AXIN1: variants seen among roughly 807,000 people sequenced by gnomAD.
AXIN1 encodes axin-1.
In AXIN1, 30 loss-of-function variants were observed where a neutral mutation model predicts 76.4. The observed-to-expected ratio is 0.39, with a 90% CI of 0.29 to 0.53. AXIN1 has a LOEUF of 0.53. Among genes scored for constraint, AXIN1 ranks in the 20% least tolerant of loss-of-function variants. The pLI, the probability that AXIN1 is intolerant of heterozygous loss-of-function variation, is 0.66. For synonymous variants in AXIN1, 545 were observed against 501.4 expected (o/e 1.09, Z -1.16); for missense variants, 1,140 against 1,198.8 (o/e 0.95, Z 0.72).
Position 287,896 on chromosome 16 carries a change from T to G in AXIN1, c.*226A>C, listed in dbSNP as rs975366749. 2.1e-5 allele frequency: 14 copies of G among 658,772 alleles called. No individual in the cohort carries two copies. Among genetic ancestry groups the G allele is most frequent in the South Asian group, 9.0e-5 (5 of 55,538 alleles). The allele number at this position is 658,772 out of a possible 1,614,324, so 40.8% of individuals were successfully genotyped here. On this transcript the variant is annotated 3_prime_UTR_variant, in exon 11 of 11. Transcript: ENST00000262320. ...TCACTTGGGCTGGGCCCTCCAAGTA[T>G]TGCTATGAGGAGTGGTCCAGGCTGC...
chr16:339,850 G>C (rs954874616), intron 2 of AXIN1, among the ~76,000 whole-genome samples: 3 of 152,044 alleles, frequency 2.0e-5, no homozygotes, highest in East Asian at 1.9e-4. Flanking sequence ...AACAAGACAA[G>C]CCTGGGGGCG....
intron 5 of AXIN1, chr16:299,181 A>C (rs1422572288): frequency 1.0e-6 from 1 of 985,312 alleles, no homozygotes; most frequent in African/African-American, 1.7e-5. Context: ...TTGATTCTCC[A>C]AGTTAACAGG....
intron 1 of AXIN1, among the ~76,000 whole-genome samples, chr16:350,245 T>C (rs11645554): frequency 0.29 from 43,641 of 152,094 alleles, 6,554 homozygotes; most frequent in South Asian, 0.4. Flanking sequence ...TGTTGAAACA[T>C]GTCCCAATTC....
rs1259143213 is a variant in AXIN1 at position 287,715 on chromosome 16, G to GC, written c.*406dup. ...TCGGTGGCGCGTACAATTGACAGAG[G>GC]CCCTGCAGGCCTCTGCATCCGGGCC... On this transcript the variant is annotated 3_prime_UTR_variant, in exon 11 of 11. Transcript: ENST00000262320. The GC allele has an allele frequency of 5.4e-6, 2 of 370,840 alleles. No homozygotes were observed. Among genetic ancestry groups the GC allele is most frequent in the Admixed American group, 4.1e-5 (1 of 24,238 alleles). The allele number at this position is 370,840 out of a possible 1,614,324, so 23.0% of individuals were successfully genotyped here.
chr16:290,786 C>A, intron 9 of AXIN1: 1 of 360,196 alleles, frequency 2.8e-6, no homozygotes, highest in Admixed American at 3.8e-5. Context: ...TGCAAGCAGA[C>A]GCACCCCGGG....
intron 3 of AXIN1, among the ~76,000 whole-genome samples, chr16:312,980 T>C (rs2053216960): frequency 6.7e-6 from 1 of 149,804 alleles, no homozygotes; most frequent in Non-Finnish European, 1.5e-5. Context: ...CGCCCAGGAG[T>C]TGGAGACTGC....
rs371275608 is a variant in AXIN1, at chr16:288,167, G to A, written c.2544C>T (p.Pro848=). Residue 848 remains proline, a synonymous_variant, in exon 11 of 11, where the codon CCC becomes CCT. Coordinates refer to ENST00000262320, the MANE Select transcript of AXIN1 (RefSeq NM_003502.4). ...EEVREDEAVL[P]VFEEKIIGKV... is the part of the protein sequence containing the mutation. ...TGCCGATGATCTTCTCCTCAAAGAC[G>A]GGCAGGACGGCCTCGTCCTCTCGAA... 3.5e-5 allele frequency: 57 copies of A among 1,613,518 alleles called. No homozygotes were observed. Among genetic ancestry groups the A allele is most frequent in the Admixed American group, 5.0e-5 (3 of 60,014 alleles).
In AXIN1 at chr16:305,746, G is replaced by A. The variant is rs186302197; in HGVS notation, c.1117-1305C>T. Among the ~76,000 whole-genome samples the A allele has an allele frequency of 3.1e-3, 477 of 151,960 alleles. 3 individuals are homozygous for A. The highest frequency in any genetic ancestry group is 0.01 in the Middle Eastern group (3 of 294). On this transcript the variant is annotated intron_variant, in intron 4 of 10. Transcript: ENST00000262320. ...TTTTTAGTAGAGACAGGATTTCACCGTGTTAGCCAGGATGGTCTCAATCTC... is the reference window on the plus strand; with the variant it reads ...TTTTTAGTAGAGACAGGATTTCACCATGTTAGCCAGGATGGTCTCAATCTC...
chr16:323,529 C>T (rs539593344), intron 2 of AXIN1, among the ~76,000 whole-genome samples: 1 of 151,430 alleles, frequency 6.6e-6, no homozygotes, highest in Admixed American at 6.6e-5. Flanking sequence ...AAACTGTAAT[C>T]CCAGCACTTT....
In AXIN1 at chr16:310,833, T is replaced by G. The variant is rs537952223; in HGVS notation, c.1020-764A>C. Among the ~76,000 whole-genome samples, 4 of 152,338 alleles carry G rather than the reference T, an allele frequency of 2.6e-5. No individual in the cohort carries two copies. In the East Asian group the frequency reaches 7.7e-4, roughly 29 times the overall value. On this transcript the variant is annotated intron_variant, in intron 3 of 10. Coordinates refer to ENST00000262320, the MANE Select transcript of AXIN1 (RefSeq NM_003502.4). Reference sequence around the variant, plus strand: ...GGCCCCTGCTTGTGGCCTAGACCACTGTGCAGTGTGCCTGCCTTGGAGGGC... The same window carrying G: ...GGCCCCTGCTTGTGGCCTAGACCACGGTGCAGTGTGCCTGCCTTGGAGGGC...
At chr16:347,214 A>C in intron 1 of AXIN1, 108 bp from the exon 2 acceptor site, 2 of 970,386 alleles carry the variant, frequency 2.1e-6, no homozygotes, top group Non-Finnish European at 3.0e-6. Flanking sequence ...GCTCAAACTC[A>C]AAGCAAGAAA....
intron 2 of AXIN1, among the ~76,000 whole-genome samples, chr16:322,105 T>C (rs561913625): frequency 6.6e-6 from 1 of 152,212 alleles, no homozygotes; most frequent in Non-Finnish European, 1.5e-5. Flanking sequence ...CACGACCTTC[T>C]GAGAAGCACA....
intron 2 of AXIN1, among the ~76,000 whole-genome samples, chr16:329,794 T>G: frequency 6.6e-6 from 1 of 151,780 alleles, no homozygotes; most frequent in Admixed American, 6.6e-5. Flanking sequence ...CGGCTATTTT[T>G]TTTTTTTTTT....
intron 1 of AXIN1, among the ~76,000 whole-genome samples, chr16:352,144 G>C (rs992813958): frequency 6.6e-6 from 1 of 151,888 alleles, no homozygotes; most frequent in Admixed American, 6.6e-5. Flanking sequence ...CGCGATGCGC[G>C]GCCCCTGCAG....
At chr16:300,439 A>C (rs2052839526) in intron 5 of AXIN1, among the ~76,000 whole-genome samples, 1 of 151,584 alleles carries the variant, frequency 6.6e-6, no homozygotes, top group Non-Finnish European at 1.5e-5. Context: ...GCCTCAAGTG[A>C]TCCTTCTGTC....
In AXIN1 at chr16:298,213, G is replaced by T. The variant is rs756308108; in HGVS notation, c.1293C>A (p.Pro431=). 6.5e-7 allele frequency: 1 copy of T among 1,540,880 alleles called. No individual in the cohort carries two copies. Among genetic ancestry groups the T allele is most frequent in the East Asian group, 2.4e-5 (1 of 40,938 alleles). ...EGEDGDPSSG[P]PGPCHKLPPA... Reference sequence around the variant, plus strand: ...GAGGCAGCTTGTGACACGGCCCTGGGGGCCCTGACGATGGATCGCCGTCCT... The same window carrying T: ...GAGGCAGCTTGTGACACGGCCCTGGTGGCCCTGACGATGGATCGCCGTCCT... Residue 431 remains proline (P), a synonymous_variant, in exon 6 of 11, where the codon CCC becomes CCA. Coordinates refer to ENST00000262320, the MANE Select transcript of AXIN1 (RefSeq NM_003502.4).
chr16:300,567 A>G (rs544545273), intron 5 of AXIN1, among the ~76,000 whole-genome samples: 28 of 152,296 alleles, frequency 1.8e-4, no homozygotes, highest in Non-Finnish European at 2.9e-5. Flanking sequence ...CTGCAAAAGT[A>G]TCCAAATGCA....
chr16:315,832 GAAAAAAAAA>G (rs922939817), intron 2 of AXIN1, among the ~76,000 whole-genome samples: 9 of 72,668 alleles, frequency 1.2e-4, no homozygotes, highest in Non-Finnish European at 2.5e-4. Context: ...TGTCTCAAAA[GAAAAAAAAA>G]AAAAAAAAAA....
Position 352,577 on chromosome 16 carries a change from C to A in AXIN1, c.-290G>T, listed in dbSNP as rs1348366171. The A allele has an allele frequency of 2.9e-5, 6 of 204,326 alleles. No individual in the cohort carries two copies. The East Asian group carries it at 9.3e-4, about 32-fold the overall frequency. 12.7% of individuals were successfully genotyped at this position (204,326 alleles called of 1,614,324 possible). On this transcript the variant is annotated 5_prime_UTR_variant, in exon 1 of 11. Coordinates refer to ENST00000262320, the MANE Select transcript of AXIN1 (RefSeq NM_003502.4). ...CCGCAGGGGCCCAGCCGCCAGCTCC[C>A]ACCCGCCCGCTCCGCGTGGACGCGG... is the stretch of plus-strand genomic sequence containing the variant.
Sources: gnomAD v4.1 joint callset for allele counts (sites outside exome capture counted in the v4.1 genomes callset) on GRCh38, gnomAD v4.1.1 for gene constraint, MANE v1.5 for transcripts, NCBI Gene and HGNC (gene_info 2026-07-23, HGNC 2026-07-21) for gene names.